SMAP1: variants seen among roughly 807,000 people sequenced by gnomAD.
SMAP1 encodes stromal membrane-associated protein 1.
A neutral mutation model predicts 58.5 loss-of-function variants in SMAP1; 24 were observed. The ratio of observed to expected loss-of-function variants is 0.41; its 90% CI spans 0.30 to 0.58. The LOEUF is 0.58. Among genes scored for constraint, SMAP1 ranks in the 20% least tolerant of loss-of-function variants. The pLI is 0.29. For missense variants in SMAP1, 563 were observed against 566.3 expected (o/e 0.99, Z 0.06); for synonymous variants, 216 against 196.6 (o/e 1.10, Z -0.82).
chr6:70,842,850 C>A (rs1582295288), intron 7 of SMAP1, among the ~76,000 whole-genome samples: 1 of 152,258 alleles, frequency 6.6e-6, no homozygotes, highest in East Asian at 1.9e-4. Flanking sequence ...GTGCAGCATC[C>A]TATCCTCAGG....
intron 6 of SMAP1, among the ~76,000 whole-genome samples, chr6:70,820,447 C>T (rs1448243863): frequency 6.6e-6 from 1 of 152,164 alleles, no homozygotes; most frequent in African/African-American, 2.4e-5. Context: ...TGCAATGGCT[C>T]ACGCCTGTAG....
chr6:70,668,597 C>T (rs774027000), intron 1 of SMAP1: 1 of 1,535,734 alleles, frequency 6.5e-7, no homozygotes, highest in South Asian at 1.2e-5. Context: ...ACCACGTCCT[C>T]CCACTCCGGG....
At chr6:70,822,047 T>G (rs1769914572) in intron 6 of SMAP1, among the ~76,000 whole-genome samples, 1 of 152,194 alleles carries the variant, frequency 6.6e-6, no homozygotes, top group African/African-American at 2.4e-5. Flanking sequence ...AGGCTTTTGT[T>G]CACTAAGCAT....
At chr6:70,809,466 A>G (rs1007069835) in intron 6 of SMAP1, among the ~76,000 whole-genome samples, 14 of 152,236 alleles carry the variant, frequency 9.2e-5, no homozygotes, top group Non-Finnish European at 2.1e-4. Context: ...TGAAATTTCA[A>G]TATAACCATG....
At chr6:70,803,409 C>G (rs1261316953) in intron 6 of SMAP1, among the ~76,000 whole-genome samples, 1 of 152,044 alleles carries the variant, frequency 6.6e-6, no homozygotes, top group African/African-American at 2.4e-5. Context: ...ATTAGTCTTG[C>G]TAGCAGTCTA....
At chr6:70,682,637 T>C (rs1331789346) in intron 1 of SMAP1, among the ~76,000 whole-genome samples, 5 of 152,216 alleles carry the variant, frequency 3.3e-5, no homozygotes, top group African/African-American at 1.2e-4. Context: ...ACTTTTTTTT[T>C]CAGAATAAAA....
intron 1 of SMAP1, among the ~76,000 whole-genome samples, chr6:70,714,380 G>GT (rs1018600581): frequency 5.9e-5 from 9 of 151,430 alleles, no homozygotes; most frequent in African/African-American, 1.5e-4. Context: ...TTCTATAGGT[G>GT]TTTTTTTTGT....
In SMAP1 at chr6:70,860,373, C is replaced by T. The variant is rs1771663377; in HGVS notation, c.*39C>T. The T allele has an allele frequency of 6.3e-7, 1 of 1,576,658 alleles. No individual in the cohort carries two copies. The highest frequency in any genetic ancestry group is 1.2e-5 in the South Asian group (1 of 85,044). On this transcript the variant is annotated 3_prime_UTR_variant, in exon 11 of 11. Transcript: ENST00000370455. The stretch of plus-strand genomic sequence containing the variant: ...AGTTTCATCCAGAACTACCACCTGA[C>T]ATTCCTTGCTGAAACGCATCTAGTT...
Position 70,860,517 on chromosome 6 carries a change from A to C in SMAP1, c.*183A>C, listed in dbSNP as rs1404328269. 11 of 576,698 alleles carry C rather than the reference A, an allele frequency of 1.9e-5. No homozygotes were observed. The highest frequency in any genetic ancestry group is 2.9e-5 in the Non-Finnish European group (11 of 377,910). 35.7% of individuals were successfully genotyped at this position (576,698 alleles called of 1,614,324 possible). On this transcript the variant is annotated 3_prime_UTR_variant, in exon 11 of 11. Coordinates refer to ENST00000370455, the MANE Select transcript of SMAP1 (RefSeq NM_001044305.3). ...ATTTGATGTGGTGAAAAGCAGGTTGATAAATCATTTTATGTCAAGGGCAGC... is the reference window on the plus strand; with the variant it reads ...ATTTGATGTGGTGAAAAGCAGGTTGCTAAATCATTTTATGTCAAGGGCAGC...
At chr6:70,860,167 C>A in intron 10 of SMAP1, 33 bp from the exon 11 acceptor site, 2 of 1,555,592 alleles carry the variant, frequency 1.3e-6, no homozygotes, top group Non-Finnish European at 1.7e-6. Context: ...GTGAAGTAAG[C>A]CTCTTGAACT....
intron 1 of SMAP1, among the ~76,000 whole-genome samples, chr6:70,709,823 A>G (rs1017648959): frequency 1.3e-5 from 2 of 151,954 alleles, no homozygotes; most frequent in African/African-American, 2.4e-5. Flanking sequence ...TAATTCTTCC[A>G]ATTCATGAAC....
intron 1 of SMAP1, among the ~76,000 whole-genome samples, chr6:70,676,361 A>G (rs1766481976): frequency 6.6e-6 from 1 of 152,190 alleles, no homozygotes; most frequent in Non-Finnish European, 1.5e-5. Context: ...TGCTGGCTCT[A>G]TAACCTAGCC....
chr6:70,793,643 TTAGAGA>T (rs1768463916), intron 5 of SMAP1, among the ~76,000 whole-genome samples: 1 of 124,168 alleles, frequency 8.1e-6, no homozygotes, highest in East Asian at 2.3e-4. Context: ...AGGAGAGTAG[TTAGAGA>T]GAGAGAGAGA....
At chr6:70,806,714 A>G (rs1769150559) in intron 6 of SMAP1, among the ~76,000 whole-genome samples, 1 of 152,254 alleles carries the variant, frequency 6.6e-6, no homozygotes, top group South Asian at 2.1e-4. Flanking sequence ...ATTTATTTCT[A>G]TAAGTAATTA....
At chr6:70,783,346 T>C (rs995804837) in intron 4 of SMAP1, among the ~76,000 whole-genome samples, 1 of 151,842 alleles carries the variant, frequency 6.6e-6, no homozygotes, top group Admixed American at 6.6e-5. Flanking sequence ...ACCACAAAGA[T>C]GGGGAAAAAA....
intron 2 of SMAP1, among the ~76,000 whole-genome samples, chr6:70,735,794 A>T (rs566118761): frequency 6.6e-6 from 1 of 152,312 alleles, no homozygotes; most frequent in Non-Finnish European, 1.5e-5. Context: ...GGAGGTATTT[A>T]TTTATGGAAC....
intron 5 of SMAP1, among the ~76,000 whole-genome samples, chr6:70,795,687 C>T (rs1768574837): frequency 6.6e-6 from 1 of 151,910 alleles, no homozygotes; most frequent in South Asian, 2.1e-4. Flanking sequence ...ATAGCAATAA[C>T]TAATAGCTCT....
intron 3 of SMAP1, among the ~76,000 whole-genome samples, chr6:70,758,542 A>G (rs995800410): frequency 2.0e-5 from 3 of 152,052 alleles, no homozygotes; most frequent in African/African-American, 7.2e-5. Flanking sequence ...AATAAATAAA[A>G]ATAAAAACAC....
chr6:70,790,025 C>T (rs889758211), intron 4 of SMAP1, among the ~76,000 whole-genome samples: 1 of 152,212 alleles, frequency 6.6e-6, no homozygotes, highest in Non-Finnish European at 1.5e-5. Context: ...TAACTTTTGA[C>T]ATACTCAATG....
Sources: gnomAD v4.1 joint callset for allele counts (sites outside exome capture counted in the v4.1 genomes callset) on GRCh38, gnomAD v4.1.1 for gene constraint, MANE v1.5 for transcripts, NCBI Gene and HGNC (gene_info 2026-07-23, HGNC 2026-07-21) for gene names.